PDE4B: variants seen among roughly 807,000 people sequenced by gnomAD.
PDE4B encodes 3',5'-cyclic-AMP phosphodiesterase 4B.
In PDE4B, 20 loss-of-function variants were observed where a neutral mutation model predicts 82.2. That is an observed-to-expected ratio of 0.24 (90% CI 0.17 to 0.35). The LOEUF is 0.35. Among genes scored for constraint, PDE4B ranks in the 10% least tolerant of loss-of-function variants. PDE4B has a pLI of 1.00. For missense variants in PDE4B, 655 were observed against 907.2 expected, an observed-to-expected ratio of 0.72 and a Z score of 3.57; for synonymous variants, 320 against 318.9, an observed-to-expected ratio of 1.00 and a Z score of -0.04.
chr1:66,127,150 T>C (rs1019423976), intron 3 of PDE4B, among the ~76,000 whole-genome samples: 1 of 151,830 alleles, frequency 6.6e-6, no homozygotes, highest in African/African-American at 2.4e-5. Flanking sequence ...TTAATAGTAT[T>C]GTACTATGAC....
At chr1:66,314,278 A>G (rs1218497760) in intron 7 of PDE4B, among the ~76,000 whole-genome samples, 1 of 152,154 alleles carries the variant, frequency 6.6e-6, no homozygotes, top group East Asian at 1.9e-4. Context: ...CCAGCTTCAT[A>G]GTTGCACATT....
chr1:65,844,053 G>GAAACT (rs1375808857), intron 1 of PDE4B, among the ~76,000 whole-genome samples: 3 of 152,110 alleles, frequency 2.0e-5, no homozygotes, highest in African/African-American at 7.2e-5. Context: ...GACCTTCAGA[G>GAAACT]AAACTAACTG....
intron 7 of PDE4B, among the ~76,000 whole-genome samples, chr1:66,313,382 T>G (rs1239639253): frequency 6.6e-6 from 1 of 152,216 alleles, no homozygotes; most frequent in Non-Finnish European, 1.5e-5. Flanking sequence ...GATTTACCCT[T>G]CTTGTTGCCC....
intron 1 of PDE4B, among the ~76,000 whole-genome samples, chr1:65,888,714 A>G (rs1646819296): frequency 6.6e-6 from 1 of 152,026 alleles, no homozygotes; most frequent in Non-Finnish European, 1.5e-5. Context: ...TAGCTGTTAC[A>G]ACTTGTGTTG....
chr1:65,834,471 A>G (rs536589856), intron 1 of PDE4B, among the ~76,000 whole-genome samples: 8 of 152,172 alleles, frequency 5.3e-5, no homozygotes, highest in Admixed American at 2.0e-4. Context: ...ACCTTATATG[A>G]AGGATTTTAA....
intron 1 of PDE4B, among the ~76,000 whole-genome samples, chr1:65,904,891 A>G (rs556309715): frequency 6.6e-6 from 1 of 152,308 alleles, no homozygotes. Context: ...AGTGCCTGCC[A>G]TAAAGTTATT....
chr1:65,885,509 C>T (rs890158447), intron 1 of PDE4B, among the ~76,000 whole-genome samples: 2 of 152,098 alleles, frequency 1.3e-5, no homozygotes, highest in African/African-American at 4.8e-5. Context: ...GGCACATATA[C>T]ACCATGGAAT....
At chr1:65,818,357 T>G (rs1645909423) in intron 1 of PDE4B, among the ~76,000 whole-genome samples, 1 of 152,210 alleles carries the variant, frequency 6.6e-6, no homozygotes. Flanking sequence ...AGAGCTGTGA[T>G]CTTTTCATGC....
At chr1:66,153,432 G>A (rs866231439) in intron 3 of PDE4B, among the ~76,000 whole-genome samples, 6 of 152,140 alleles carry the variant, frequency 3.9e-5, no homozygotes, top group Non-Finnish European at 8.8e-5. Flanking sequence ...ATGTATTCAT[G>A]GCAACCATCC....
intron 7 of PDE4B, among the ~76,000 whole-genome samples, chr1:66,286,219 G>A (rs1570625662): frequency 6.6e-6 from 1 of 152,090 alleles, no homozygotes; most frequent in Non-Finnish European, 1.5e-5. Context: ...CCTACTCAGG[G>A]TTATAAACTG....
intron 3 of PDE4B, among the ~76,000 whole-genome samples, chr1:66,065,445 T>C (rs1655794771): frequency 6.6e-6 from 1 of 151,942 alleles, no homozygotes; most frequent in Admixed American, 6.6e-5. Flanking sequence ...TAGCTTATGA[T>C]CTAGAATTGA....
intron 3 of PDE4B, among the ~76,000 whole-genome samples, chr1:66,112,612 C>T (rs1047097705): frequency 6.6e-6 from 1 of 152,172 alleles, no homozygotes; most frequent in Admixed American, 6.6e-5. Flanking sequence ...CTGCAGGACC[C>T]TCTGCCATTG....
intron 3 of PDE4B, among the ~76,000 whole-genome samples, chr1:65,999,038 A>T (rs548446814): frequency 1.3e-5 from 2 of 152,102 alleles, no homozygotes; most frequent in South Asian, 2.1e-4. Flanking sequence ...TCTTCAATAT[A>T]TTGGATTTTT....
intron 3 of PDE4B, among the ~76,000 whole-genome samples, chr1:65,974,204 G>A (rs949358980): frequency 1.3e-5 from 2 of 152,058 alleles, no homozygotes; most frequent in African/African-American, 4.8e-5. Flanking sequence ...CTTACATGTG[G>A]CGATAATAAA....
chr1:65,878,677 A>G (rs1646676273), intron 1 of PDE4B, among the ~76,000 whole-genome samples: 1 of 152,162 alleles, frequency 6.6e-6, no homozygotes, highest in Non-Finnish European at 1.5e-5. Flanking sequence ...TGAGAGTTGA[A>G]CAATGAGAAC....
intron 8 of PDE4B, chr1:66,355,231 G>A (rs903172370): frequency 2.0e-5 from 7 of 358,824 alleles, no homozygotes; most frequent in Non-Finnish European, 3.0e-5. Context: ...ATTTTTAAAA[G>A]TAGGTACAGT....
intron 7 of PDE4B, among the ~76,000 whole-genome samples, chr1:66,321,572 T>G (rs1192853741): frequency 2.0e-5 from 3 of 152,152 alleles, no homozygotes; most frequent in Admixed American, 1.3e-4. Flanking sequence ...GCAGGTTCAG[T>G]GTCTGAGGAG....
chr1:65,892,498 C>T (rs1407053152), intron 1 of PDE4B, among the ~76,000 whole-genome samples: 1 of 152,008 alleles, frequency 6.6e-6, no homozygotes, highest in Non-Finnish European at 1.5e-5. Context: ...TCTTCAGCTC[C>T]CTAATATCAG....
intron 7 of PDE4B, among the ~76,000 whole-genome samples, chr1:66,311,086 T>C (rs1658637898): frequency 6.6e-6 from 1 of 152,082 alleles, no homozygotes; most frequent in South Asian, 2.1e-4. Context: ...GCAGAATAAA[T>C]AGTCAAGATT....
Sources: allele counts gnomAD v4.1 joint callset (sites outside exome capture counted in the v4.1 genomes callset), GRCh38; gene constraint gnomAD v4.1.1; transcripts MANE v1.5; gene names NCBI Gene and HGNC (gene_info 2026-07-23, HGNC 2026-07-21).